Variants in PRSS23 observed in about 807,000 individuals in gnomAD.
PRSS23 encodes serine protease 23.
Under a neutral mutation model 34.7 loss-of-function variants are expected in PRSS23, and 25 were observed. That is an observed-to-expected ratio of 0.72 (90% CI 0.53 to 1.01). The LOEUF (loss-of-function observed/expected upper bound fraction) is 1.01. Ranked by LOEUF, PRSS23 falls within the 50% of genes least tolerant of loss-of-function variation. The pLI, the probability that PRSS23 is intolerant of heterozygous loss-of-function variation, is 0.00. For synonymous variants in PRSS23, 176 were observed against 186.6 expected, an observed-to-expected ratio of 0.94 and a Z score of 0.46; for missense variants, 445 against 475.6, an observed-to-expected ratio of 0.94 and a Z score of 0.60.
intron 2 of PRSS23, among the ~76,000 whole-genome samples, chr11:86,871,156 G>A (rs1314620512): frequency 1.3e-5 from 2 of 152,178 alleles, no homozygotes; most frequent in African/African-American, 4.8e-5. Flanking sequence ...GCTACTAGCA[G>A]ATCATCTTGA....
intron 2 of PRSS23, among the ~76,000 whole-genome samples, chr11:86,891,881 C>T (rs374070073): frequency 9.9e-5 from 15 of 152,114 alleles, no homozygotes; most frequent in South Asian, 2.1e-4. Context: ...GAATAAGGTG[C>T]GCTTCCCCTT....
chr11:86,828,723 G>C (rs1590882242), intron 2 of PRSS23, among the ~76,000 whole-genome samples: 1 of 152,298 alleles, frequency 6.6e-6, no homozygotes, highest in Admixed American at 6.5e-5. Flanking sequence ...TTGCTCGTCT[G>C]TAAAGTATTT....
At chr11:86,800,350 G>C, upstream of PRSS23, 5 of 721,940 alleles carry the variant, frequency 6.9e-6, no homozygotes, top group Non-Finnish European at 8.5e-6. Context: ...GGGACGCTCG[G>C]CCTCAGGCCC....
chr11:86,866,035 A>G (rs1948647066), intron 2 of PRSS23, among the ~76,000 whole-genome samples: 1 of 152,156 alleles, frequency 6.6e-6, no homozygotes, highest in African/African-American at 2.4e-5. Flanking sequence ...GACAAGCCTA[A>G]TCTCCTCACT....
chr11:86,857,445 G>A (rs1454635023), intron 2 of PRSS23: 1 of 375,242 alleles, frequency 2.7e-6, no homozygotes. Context: ...AACAGGCAAG[G>A]TTGAGAAGTT....
downstream of PRSS23, among the ~76,000 whole-genome samples, chr11:86,814,130 T>G (rs1469207140): frequency 1.3e-5 from 2 of 152,180 alleles, no homozygotes; most frequent in Non-Finnish European, 2.9e-5. Flanking sequence ...GTGTCAGTCA[T>G]GTTAGGTTTC....
intron 2 of PRSS23, chr11:86,938,955 G>A: frequency 3.3e-5 from 14 of 419,092 alleles, no homozygotes; most frequent in East Asian, 3.0e-4. Context: ...AGCCAAATGG[G>A]AGGAGGCCTT....
At chr11:86,894,851 T>G (rs1188799902) in intron 2 of PRSS23, among the ~76,000 whole-genome samples, 1 of 152,230 alleles carries the variant, frequency 6.6e-6, no homozygotes, top group Non-Finnish European at 1.5e-5. Flanking sequence ...ATCTCTTCTG[T>G]AGGCTCTAAG....
At chr11:86,862,820 AG>A (rs1425748800) in intron 2 of PRSS23, among the ~76,000 whole-genome samples, 1 of 151,312 alleles carries the variant, frequency 6.6e-6, no homozygotes, top group Admixed American at 6.6e-5. Context: ...ATAATATCCT[AG>A]GGGGGTGTTA....
chr11:86,791,100 C>T (rs1293441273), exon 1 of PRSS23: 2 of 152,314 alleles, frequency 1.3e-5, no homozygotes, highest in Non-Finnish European at 2.9e-5. Context: ...AGCTGTCACC[C>T]TGCAAACTCA....
chr11:86,812,353 A>G (rs1171918960), downstream of PRSS23, among the ~76,000 whole-genome samples: 1 of 152,208 alleles, frequency 6.6e-6, no homozygotes, highest in Non-Finnish European at 1.5e-5. Context: ...GGGGAAGGGC[A>G]TTTAAAAATC....
At chr11:86,912,191 A>G (rs891077217) in intron 2 of PRSS23, 1 of 152,260 alleles carries the variant, frequency 6.6e-6, no homozygotes, top group Non-Finnish European at 1.5e-5. Context: ...CCAAAAGATT[A>G]TAGACATAAC....
intron 2 of PRSS23, among the ~76,000 whole-genome samples, chr11:86,834,415 C>T (rs1948386157): frequency 6.6e-6 from 1 of 152,144 alleles, no homozygotes; most frequent in East Asian, 1.9e-4. Context: ...GGGGATTACC[C>T]AAACTAGGGG....
At chr11:86,885,640 A>C (rs187879233) in intron 2 of PRSS23, among the ~76,000 whole-genome samples, 3 of 152,224 alleles carry the variant, frequency 2.0e-5, no homozygotes, top group Admixed American at 6.5e-5. Flanking sequence ...GAACTGCAAC[A>C]TTAGTTCTTC....
intron 2 of PRSS23, among the ~76,000 whole-genome samples, chr11:86,931,123 G>A (rs551471547): frequency 1.3e-5 from 2 of 152,314 alleles, no homozygotes; most frequent in South Asian, 4.1e-4. Flanking sequence ...GAGGAAGCAA[G>A]ACTGGATGTT....
exon 2 of PRSS23, chr11:86,823,380 G>T: frequency 1.4e-6 from 1 of 702,198 alleles, no homozygotes; most frequent in Middle Eastern, 2.3e-4. Context: ...ACTTCAGATG[G>T]CTCCCTAATG....
At chr11:86,935,219 C>T (rs1949153326) in intron 2 of PRSS23, 1 of 152,210 alleles carries the variant, frequency 6.6e-6, no homozygotes, top group African/African-American at 2.4e-5. Flanking sequence ...GCCTCAGATT[C>T]CTCAGCTATA....
At chr11:86,928,217 A>C (rs1383969062) in intron 2 of PRSS23, among the ~76,000 whole-genome samples, 4 of 129,992 alleles carry the variant, frequency 3.1e-5, no homozygotes, top group Admixed American at 1.6e-4. Context: ...TATACTTATA[A>C]ATATATATGT....
chr11:86,899,097 C>T (rs942988042), intron 2 of PRSS23, among the ~76,000 whole-genome samples: 1 of 152,152 alleles, frequency 6.6e-6, no homozygotes, highest in Non-Finnish European at 1.5e-5. Context: ...CCTTCAAACC[C>T]CACCTGCTTC....
Sources: gnomAD v4.1 joint callset for allele counts (sites outside exome capture counted in the v4.1 genomes callset) on GRCh38, gnomAD v4.1.1 for gene constraint, MANE v1.5 for transcripts, NCBI Gene and HGNC (gene_info 2026-07-23, HGNC 2026-07-21) for gene names.